Variants in TRPV1 observed in about 807,000 individuals in gnomAD.
TRPV1 encodes the protein transient receptor potential cation channel subfamily V member 1.
Under a neutral mutation model 82.3 loss-of-function variants are expected in TRPV1, and 82 were observed. That is an observed-to-expected ratio of 1.00 (90% CI 0.83 to 1.20). The LOEUF (loss-of-function observed/expected upper bound fraction) is 1.20. Among genes scored for constraint, TRPV1 ranks in the 50% most tolerant of loss-of-function variants. The probability of loss-of-function intolerance (pLI) is 0.00; values close to 1 mark genes in which losing one functional copy is unlikely to be tolerated. For missense variants in TRPV1, 1,067 were observed against 1,096.8 expected (o/e 0.97, Z 0.38); for synonymous variants, 515 against 467.7 (o/e 1.10, Z -1.30).
rs202217606 is a variant in TRPV1, at chr17:3,589,926, T to C, written c.925A>G (p.Met309Val). 7.6e-5 allele frequency: 121 copies of C among 1,585,178 alleles called. No homozygotes were observed. The highest frequency in any genetic ancestry group is 9.9e-5 in the Non-Finnish European group (115 of 1,166,364). The change falls in exon 7 of 17, where the codon ATG becomes GTG. Residue 309 changes from methionine (M) to valine (V), a missense_variant. Coordinates refer to ENST00000572705, the MANE Select transcript of TRPV1 (RefSeq NM_080704.4). The stretch of plus-strand genomic sequence containing the variant: ...CCCAGCATCAGAATCTCATTGTACA[T>C]GCTCGTCACAAACTTCGTGTTGTCG... ...TADNTKFVTS[M>V]YNEILMLGAK... is the part of the protein sequence containing the mutation.
chr17:3,592,745 C>T (rs729271), intron 2 of TRPV1: 25,217 of 189,588 alleles, frequency 0.13, 2,139 homozygotes, highest in South Asian at 0.21. Context: ...GCGCTGCCTC[C>T]CTCCCCACAC....
At chr17:3,580,862 C>A (rs1159298833) in intron 10 of TRPV1, among the ~76,000 whole-genome samples, 3 of 152,082 alleles carry the variant, frequency 2.0e-5, no homozygotes, top group Non-Finnish European at 2.9e-5. Flanking sequence ...ACTAAAAATA[C>A]AAAACAATTA....
chr17:3,581,851 C>G (rs1161449015), intron 10 of TRPV1, among the ~76,000 whole-genome samples: 1 of 138,764 alleles, frequency 7.2e-6, no homozygotes, highest in Admixed American at 8.0e-5. Flanking sequence ...CACCACTGCA[C>G]TCCAGCCTGG....
intron 9 of TRPV1, among the ~76,000 whole-genome samples, chr17:3,583,692 C>G (rs1049782238): frequency 6.6e-6 from 1 of 152,230 alleles, no homozygotes; most frequent in Non-Finnish European, 1.5e-5. Flanking sequence ...CCGGCAGGCC[C>G]AGAGCTCCTC....
chr17:3,602,388 G>C (rs534472224), intron 2 of TRPV1: 1 of 152,358 alleles, frequency 6.6e-6, no homozygotes, highest in Admixed American at 6.5e-5. Flanking sequence ...CACCTTCACG[G>C]AGTGATTCCA....
rs770099256 is a variant in TRPV1 at position 3,566,806 on chromosome 17, G to T, written c.*9C>A. On this transcript the variant is annotated 3_prime_UTR_variant, in exon 17 of 17. Transcript: ENST00000572705. ...GCCCAGTGTTGACAGTGCTGTCTGC[G>T]TGACGTCCTCACTTCTCCCCGGAAG... The T allele has an allele frequency of 2.5e-6, 4 of 1,612,982 alleles. No homozygotes were observed. Among genetic ancestry groups the T allele is most frequent in the Non-Finnish European group, 3.4e-6 (4 of 1,179,512 alleles).
chr17:3,583,317 A>G, intron 10 of TRPV1, 21 bp downstream of exon 10: 1 of 1,587,376 alleles, frequency 6.3e-7, no homozygotes, highest in South Asian at 1.1e-5. Flanking sequence ...GGAAACTCAC[A>G]ATGTGGGAAG....
rs1299188326 is a variant in TRPV1 at position 3,590,392 on chromosome 17, C to A, written c.605G>T (p.Gly202Val). ...NASYTDSYYK[G>V]QTALHIAIER... is the part of the protein sequence containing the mutation. The stretch of plus-strand genomic sequence containing the variant: ...GATGGCGATGTGCAGTGCTGTCTGG[C>A]CTACAGAGGACGCGCACGGTTGGCT... Residue 202 changes from glycine to valine, a missense_variant and splice_region_variant, in exon 6 of 17, where the codon GGC becomes GTC. Coordinates refer to ENST00000572705, the MANE Select transcript of TRPV1 (RefSeq NM_080704.4). 6.2e-7 allele frequency: 1 copy of A among 1,613,284 alleles called. No individual in the cohort carries two copies. The highest frequency in any genetic ancestry group is 8.5e-7 in the Non-Finnish European group (1 of 1,179,756).
intron 12 of TRPV1, 140 bp downstream of exon 12, chr17:3,577,454 CTTGA>C: frequency 8.6e-7 from 1 of 1,165,754 alleles, no homozygotes; most frequent in Non-Finnish European, 1.2e-6. Flanking sequence ...GGCCAGATTG[CTTGA>C]TTCTTGGAAA....
intron 11 of TRPV1, among the ~76,000 whole-genome samples, chr17:3,579,722 C>T (rs1327792927): frequency 2.6e-5 from 4 of 152,130 alleles, no homozygotes; most frequent in Admixed American, 6.5e-5. Context: ...GTGATCCACC[C>T]GCCTCAGCCT....
intron 2 of TRPV1, among the ~76,000 whole-genome samples, chr17:3,593,189 C>T (rs222750): frequency 0.053 from 7,983 of 151,966 alleles, 370 homozygotes; most frequent in East Asian, 0.22. Context: ...GCAATCTCTG[C>T]TCACTGCAAC....
rs571968367 is a variant in TRPV1, at chr17:3,576,100, T to C, written c.1780+1026A>G. Among the ~76,000 whole-genome samples the C allele has an allele frequency of 2.0e-5, 3 of 151,332 alleles. No individual in the cohort carries two copies. The South Asian group carries it at 6.3e-4, about 32-fold the overall frequency. On this transcript the variant is annotated intron_variant, in intron 13 of 16. Transcript: ENST00000572705. ...AGCCAGGTGTGGTGGCGGGCATCTG[T>C]AATCCCAGCTACTGGGGAGGCTGAG...
At chr17:3,602,258 G>C (rs907835780) in intron 2 of TRPV1, 3 of 152,238 alleles carry the variant, frequency 2.0e-5, no homozygotes, top group Admixed American at 1.3e-4. Flanking sequence ...GATTTAAGCA[G>C]CTCCAGGGTG....
intron 14 of TRPV1, among the ~76,000 whole-genome samples, chr17:3,572,769 G>A (rs986908750): frequency 1.3e-5 from 2 of 152,218 alleles, no homozygotes; most frequent in African/African-American, 4.8e-5. Context: ...GATCACCTGA[G>A]GTCAGGAGTT....
chr17:3,593,120 G>A (rs879823623), intron 2 of TRPV1, among the ~76,000 whole-genome samples: 5 of 87,360 alleles, frequency 5.7e-5, no homozygotes, highest in Admixed American at 1.1e-4. Context: ...GTGTGTGTGT[G>A]TGTGTGTGTG....
At chr17:3,589,344 T>TTACAGGCATGAGCC (rs1174630255) in intron 7 of TRPV1, among the ~76,000 whole-genome samples, 1 of 151,858 alleles carries the variant, frequency 6.6e-6, no homozygotes, top group African/African-American at 2.4e-5. Flanking sequence ...GTAGCTGGAA[T>TTACAGGCATGAGCC]TGTAGGCACC....
chr17:3,592,279 G>A lies in TRPV1; in HGVS notation c.72C>T (p.Pro24=). 6.2e-7 allele frequency: 1 copy of A among 1,605,738 alleles called. No individual in the cohort carries two copies. Reference sequence around the variant, plus strand: ...GCCTGGAGTTAGGGTCTCCATCCAGGGGGTCTGGGCAGGTGTCCTTTTGGA... The same window carrying A: ...GCCTGGAGTTAGGGTCTCCATCCAGAGGGTCTGGGCAGGTGTCCTTTTGGA... The part of the protein sequence containing the change: ...DPLQKDTCPD[P]LDGDPNSRPP... The change falls in exon 3 of 17, where the codon CCC becomes CCT. Residue 24 remains proline (P), a synonymous_variant. Transcript: ENST00000572705.
intron 16 of TRPV1, among the ~76,000 whole-genome samples, chr17:3,569,710 A>G (rs924641816): frequency 1.3e-5 from 2 of 152,192 alleles, no homozygotes; most frequent in African/African-American, 4.8e-5. Flanking sequence ...TGAGTTCCCC[A>G]CAGGTCCTTG....
In TRPV1 at chr17:3,592,188, A is replaced by G. The variant is rs200798506; in HGVS notation, c.163T>C (p.Ser55Pro). 1 of 1,613,258 alleles carries G rather than the reference A, an allele frequency of 6.2e-7. No homozygotes were observed. Among genetic ancestry groups the G allele is most frequent in the Non-Finnish European group, 8.5e-7 (1 of 1,179,708 alleles). The change falls in exon 3 of 17, where the codon TCG becomes CCG. Residue 55 changes from serine to proline, a missense_variant. By Grantham distance (74) the Ser-to-Pro change is moderately conservative. Coordinates refer to ENST00000572705, the MANE Select transcript of TRPV1 (RefSeq NM_080704.4). ...CAATCCACCGGGAAAGCCTCCTCCG[A>G]GTCACCCTTCCCAAAGAGCCGGGTG... ...SRTRLFGKGD[S>P]EEAFPVDCPH...
Sources: allele counts gnomAD v4.1 joint callset (sites outside exome capture counted in the v4.1 genomes callset), GRCh38; gene constraint gnomAD v4.1.1; transcripts MANE v1.5; gene names NCBI Gene and HGNC (gene_info 2026-07-23, HGNC 2026-07-21).